Variants in MET observed in about 807,000 individuals in gnomAD.
The protein encoded by MET is hepatocyte growth factor receptor.
Under a neutral mutation model 133.1 loss-of-function variants are expected in MET, and 48 were observed. That is an observed-to-expected ratio of 0.36 (90% CI 0.29 to 0.46). MET has a LOEUF of 0.46. Ranked by LOEUF, MET falls within the 20% of genes least tolerant of loss-of-function variation. The pLI is 1.00. For missense variants in MET, 1,442 were observed against 1,695.9 expected (o/e 0.85, Z 2.63); for synonymous variants, 628 against 616.5 (o/e 1.02, Z -0.28).
intron 2 of MET, among the ~76,000 whole-genome samples, chr7:116,727,913 A>G (rs528017332): frequency 6.6e-6 from 1 of 152,364 alleles, no homozygotes; most frequent in African/African-American, 2.4e-5. Flanking sequence ...GAGATACTGA[A>G]AGCTTAATCC....
At chr7:116,735,570 A>T (rs1793180057) in intron 3 of MET, among the ~76,000 whole-genome samples, 1 of 152,142 alleles carries the variant, frequency 6.6e-6, no homozygotes, top group Non-Finnish European at 1.5e-5. Context: ...GCCATTTTAG[A>T]GTATGTAGAT....
intron 2 of MET, among the ~76,000 whole-genome samples, chr7:116,726,202 T>A (rs1218801177): frequency 9.2e-3 from 49 of 5,306 alleles, no homozygotes; most frequent in African/African-American, 0.033. Context: ...AATACTCATA[T>A]CTCTACCACC....
At chr7:116,769,598 C>A (rs1352602498) in intron 11 of MET, 47 bp from the exon 12 acceptor site, 1 of 1,602,422 alleles carries the variant, frequency 6.2e-7, no homozygotes. Context: ...AGCATTCCTG[C>A]AGAACTGTGA....
Position 116,795,732 on chromosome 7 carries a change from A to G in MET, c.3876A>G (p.Ile1292Met), listed in dbSNP as rs786204044. ...ATCCTGACGTAAACACCTTTGATAT[A>G]ACTGTTTACTTGTTGCAAGGGAGAA... ...PPYPDVNTFD[I>M]TVYLLQGRRL... is the part of the protein sequence containing the mutation. Residue 1292 changes from isoleucine to methionine, a missense_variant, in exon 20 of 21, where the codon ATA (isoleucine) becomes ATG (methionine). By Grantham distance (10) the Ile-to-Met change is conservative. Transcript: ENST00000397752. 1 of 1,614,126 alleles carries G rather than the reference A, an allele frequency of 6.2e-7. No homozygotes were observed. The highest frequency in any genetic ancestry group is 1.3e-5 in the African/African-American group (1 of 75,028).
chr7:116,696,475 C>G (rs531613112), intron 1 of MET, among the ~76,000 whole-genome samples: 1 of 152,292 alleles, frequency 6.6e-6, no homozygotes, highest in East Asian at 1.9e-4. Context: ...ACATCTGATA[C>G]TACTATAGAA....
chr7:116,672,410 C>G lies in MET; in HGVS notation c.-182C>G, dbSNP rs536603694. The G allele has an allele frequency of 2.6e-6, 1 of 389,878 alleles. No homozygotes were observed. The highest frequency in any genetic ancestry group is 2.1e-5 in the African/African-American group (1 of 48,092). The allele number at this position is 389,878 out of a possible 1,614,324, so 24.2% of individuals were successfully genotyped here. On this transcript the variant is annotated 5_prime_UTR_variant, in exon 1 of 21. Transcript: ENST00000397752. ...CGGCCGCAGGTGACCCGGAGGCCCTCGCCGCCCGCGGCGCCCCGAGCGCTT... is the reference window on the plus strand; with the variant it reads ...CGGCCGCAGGTGACCCGGAGGCCCTGGCCGCCCGCGGCGCCCCGAGCGCTT...
At chr7:116,703,692 G>GA (rs911414222) in intron 2 of MET, among the ~76,000 whole-genome samples, 10 of 151,644 alleles carry the variant, frequency 6.6e-5, no homozygotes, top group Admixed American at 3.9e-4. Context: ...ACAATTTCAG[G>GA]AAAAAAAGGA....
At chr7:116,704,957 A>G (rs1053819647) in intron 2 of MET, among the ~76,000 whole-genome samples, 6 of 152,078 alleles carry the variant, frequency 3.9e-5, no homozygotes, top group Admixed American at 3.9e-4. Flanking sequence ...CTGCTTCCCA[A>G]AATAAAGGAA....
intron 19 of MET, among the ~76,000 whole-genome samples, chr7:116,792,639 C>T (rs547668588): frequency 3.3e-5 from 5 of 152,134 alleles, no homozygotes; most frequent in Admixed American, 2.6e-4. Flanking sequence ...TTCCTGGAAA[C>T]CTTCTTCCTC....
chr7:116,748,447 A>C (rs968368048), intron 5 of MET, among the ~76,000 whole-genome samples: 3 of 152,232 alleles, frequency 2.0e-5, no homozygotes, highest in African/African-American at 7.2e-5. Flanking sequence ...GACACAACAT[A>C]TCAGAATCTC....
intron 2 of MET, among the ~76,000 whole-genome samples, chr7:116,707,194 A>C (rs578230532): frequency 1.6e-4 from 24 of 152,206 alleles, no homozygotes; most frequent in African/African-American, 5.5e-4. Context: ...ATGTCTAGCA[A>C]TTGCATGCTA....
intron 6 of MET, among the ~76,000 whole-genome samples, chr7:116,756,877 T>C (rs1467708351): frequency 6.6e-6 from 1 of 152,190 alleles, no homozygotes; most frequent in Non-Finnish European, 1.5e-5. Flanking sequence ...GAGGTCTTTA[T>C]GGATAAGGTC....
rs746091644 is a variant in MET at position 116,775,129 on chromosome 7, G to A, written c.3259+18G>A. ...AGGAAGAGGTAAGTATTTCCACTCA[G>A]CTTTTTGTTAAATACGATTTTCCAG... On this transcript the variant is annotated intron_variant, in intron 15 of 20. Transcript: ENST00000397752. The A allele has an allele frequency of 6.2e-7, 1 of 1,611,618 alleles. No individual in the cohort carries two copies. Among genetic ancestry groups the A allele is most frequent in the Non-Finnish European group, 8.5e-7 (1 of 1,177,752 alleles).
At chr7:116,700,848 T>C (rs914764641) in intron 2 of MET, among the ~76,000 whole-genome samples, 2 of 152,328 alleles carry the variant, frequency 1.3e-5, no homozygotes, top group Middle Eastern at 3.4e-3. Context: ...AAATAAAACA[T>C]TTTTAAATGA....
chr7:116,678,740 T>G (rs894134423), intron 1 of MET, among the ~76,000 whole-genome samples: 1 of 152,126 alleles, frequency 6.6e-6, no homozygotes, highest in Admixed American at 6.5e-5. Flanking sequence ...CCAGAGTGTA[T>G]CTAGACCAGC....
rs1795722095 is a variant in MET, at chr7:116,797,806, T to C, written c.*1682T>C. On this transcript the variant is annotated 3_prime_UTR_variant, in exon 21 of 21. Coordinates refer to ENST00000397752, the MANE Select transcript of MET (RefSeq NM_000245.4). ...GCCAATACACCCCACCCTCATTACA[T>C]CATCAGGACTTGAAGCCAAGGGTTA... 1 of 224,776 alleles carries C rather than the reference T, an allele frequency of 4.4e-6. No individual in the cohort carries two copies. The highest frequency in any genetic ancestry group is 2.2e-5 in the African/African-American group (1 of 44,944). The allele number at this position is 224,776 out of a possible 1,614,324, so 13.9% of individuals were successfully genotyped here.
At chr7:116,748,273 A>G (rs779832602) in intron 5 of MET, among the ~76,000 whole-genome samples, 3 of 152,162 alleles carry the variant, frequency 2.0e-5, no homozygotes, top group Non-Finnish European at 2.9e-5. Flanking sequence ...ACAAAAAAGA[A>G]GCTCACTCAA....
intron 1 of MET, among the ~76,000 whole-genome samples, chr7:116,686,699 C>T (rs912039256): frequency 6.6e-6 from 1 of 152,206 alleles, no homozygotes; most frequent in African/African-American, 2.4e-5. Context: ...CTCTGGAGAT[C>T]CTTCAACAAA....
intron 1 of MET, among the ~76,000 whole-genome samples, chr7:116,698,488 C>T (rs1797044123): frequency 6.6e-6 from 1 of 152,266 alleles, no homozygotes; most frequent in Non-Finnish European, 1.5e-5. Flanking sequence ...ATAACCATAC[C>T]ATTCCTCTCC....
Sources: gnomAD v4.1 joint callset for allele counts (sites outside exome capture counted in the v4.1 genomes callset) on GRCh38, gnomAD v4.1.1 for gene constraint, MANE v1.5 for transcripts, NCBI Gene and HGNC (gene_info 2026-07-23, HGNC 2026-07-21) for gene names.